Variants in CELF5 observed in about 807,000 individuals in gnomAD.
CELF5 encodes CUGBP Elav-like family member 5.
Under a neutral mutation model 54.9 loss-of-function variants are expected in CELF5, and 6 were observed. The observed-to-expected ratio is 0.11, with a 90% CI of 0.06 to 0.22. The LOEUF is 0.22. CELF5 is among the 10% of genes least tolerant of loss of function. The pLI is 1.00. For missense variants in CELF5, 401 were observed against 678.6 expected (o/e 0.59, Z 4.54); for synonymous variants, 271 against 290.9 (o/e 0.93, Z 0.70).
chr19:3,235,957 G>A (rs1370658323), intron 1 of CELF5, among the ~76,000 whole-genome samples: 1 of 152,106 alleles, frequency 6.6e-6, no homozygotes, highest in East Asian at 1.9e-4. Context: ...TAGTGATGGG[G>A]ACTGAAGCCG....
At chr19:3,263,432 G>A (rs189479701) in intron 2 of CELF5, among the ~76,000 whole-genome samples, 85 of 151,524 alleles carry the variant, frequency 5.6e-4, no homozygotes, top group Non-Finnish European at 9.7e-4. Context: ...ATGGTGTCGC[G>A]TGCCTGTAAT....
chr19:3,293,789 G>C (rs965662742), intron 12 of CELF5: 3 of 251,082 alleles, frequency 1.2e-5, no homozygotes, highest in Non-Finnish European at 2.4e-5. Flanking sequence ...GTTCACCTGA[G>C]AGGCCAGGTT....
intron 2 of CELF5, among the ~76,000 whole-genome samples, chr19:3,265,457 G>A (rs1002709426): frequency 1.3e-5 from 2 of 152,166 alleles, no homozygotes. Flanking sequence ...AGTGAGCCCC[G>A]AGCAGAAGTT....
chr19:3,242,533 G>T (rs1178942532), intron 1 of CELF5, among the ~76,000 whole-genome samples: 1 of 151,922 alleles, frequency 6.6e-6, no homozygotes, highest in African/African-American at 2.4e-5. Context: ...ATGGCCGGGC[G>T]CAGTGACTCA....
Position 3,281,645 on chromosome 19 carries a change from G to A in CELF5, c.750+300G>A, listed in dbSNP as rs749835160. On this transcript the variant is annotated intron_variant, in intron 6 of 12. Coordinates refer to ENST00000292672, the MANE Select transcript of CELF5 (RefSeq NM_021938.4). This position sits in a 1 kb window ranked among gnomAD's most constrained non-coding sequence, Gnocchi z 6.5. ...CAAATCCAGACTGATCCCAAACTGAGACCTGACCTGATCAAGCTCCACCCT... is the reference window on the plus strand; with the variant it reads ...CAAATCCAGACTGATCCCAAACTGAAACCTGACCTGATCAAGCTCCACCCT... Among the ~76,000 whole-genome samples, 1 of 152,096 alleles carries A rather than the reference G, an allele frequency of 6.6e-6. No homozygotes were observed. Among genetic ancestry groups the A allele is most frequent in the Non-Finnish European group, 1.5e-5 (1 of 68,014 alleles).
intron 1 of CELF5, among the ~76,000 whole-genome samples, chr19:3,227,573 C>G (rs548591129): frequency 1.1e-4 from 17 of 152,154 alleles, no homozygotes; most frequent in South Asian, 8.3e-4. Flanking sequence ...GGGATGAGAA[C>G]ACCCTGGAGG....
intron 1 of CELF5, among the ~76,000 whole-genome samples, chr19:3,240,490 GC>G (rs1220302590): frequency 6.6e-6 from 1 of 151,724 alleles, no homozygotes; most frequent in Non-Finnish European, 1.5e-5. Context: ...ACCACACCCA[GC>G]TAGTTTTTGT....
At position 3,281,053 on chromosome 19, in the gene CELF5, C is replaced by G. The variant is rs757097413; in HGVS notation, c.604-146C>G. ...GCGGTCCTCGCTGTGGCCCTGGCTC[C>G]TGGGGTGGGGGCCCGTGGACATGGC... On this transcript the variant is annotated intron_variant, in intron 5 of 12. Coordinates refer to ENST00000292672, the MANE Select transcript of CELF5 (RefSeq NM_021938.4). This position sits in a 1 kb window ranked among gnomAD's most constrained non-coding sequence, Gnocchi z 6.5. 2.1e-6 allele frequency: 2 copies of G among 965,634 alleles called. No homozygotes were observed. The highest frequency in any genetic ancestry group is 3.1e-6 in the Non-Finnish European group (2 of 640,618). 59.8% of individuals were successfully genotyped at this position (965,634 alleles called of 1,614,324 possible).
intron 11 of CELF5, 26 bp downstream of exon 11, chr19:3,290,400 C>A (rs778927184): frequency 1.9e-6 from 3 of 1,611,080 alleles, no homozygotes; most frequent in Admixed American, 1.7e-5. Flanking sequence ...CGCCACCCCT[C>A]CCCATCCACC....
chr19:3,233,167 GC>G (rs1317217991), intron 1 of CELF5, among the ~76,000 whole-genome samples: 4 of 151,924 alleles, frequency 2.6e-5, no homozygotes, highest in Non-Finnish European at 5.9e-5. Flanking sequence ...TGTGCCTAGA[GC>G]CCTAGCTGCT....
Position 3,275,824 on chromosome 19 carries a change from G to T in CELF5, c.395-32G>T. On this transcript the variant is annotated intron_variant, in intron 3 of 12. Transcript: ENST00000292672. The surrounding 1 kb of genome is among the most constrained non-coding windows in gnomAD (Gnocchi z 6.7). ...CCCGGAGGCCCTCCCGGAGGCCGGG[G>T]ACTCGGCTGAGGTGGGTGTCGCCGC... 1 of 1,587,550 alleles carries T rather than the reference G, an allele frequency of 6.3e-7. No homozygotes were observed. Among genetic ancestry groups the T allele is most frequent in the Non-Finnish European group, 8.6e-7 (1 of 1,161,138 alleles).
At chr19:3,285,612 C>T (rs1455284518) in intron 9 of CELF5, among the ~76,000 whole-genome samples, 1 of 148,510 alleles carries the variant, frequency 6.7e-6, no homozygotes, top group African/African-American at 2.5e-5. Flanking sequence ...CTTGGCCCCG[C>T]CCTCTACTGT....
At chr19:3,288,909 G>A (rs1280215790) in intron 10 of CELF5, among the ~76,000 whole-genome samples, 1 of 152,170 alleles carries the variant, frequency 6.6e-6, no homozygotes, top group African/African-American at 2.4e-5. Context: ...GGGAATGGAA[G>A]AAGGTCATTT....
At chr19:3,252,369 G>C (rs1393576596) in intron 2 of CELF5, among the ~76,000 whole-genome samples, 1 of 152,114 alleles carries the variant, frequency 6.6e-6, no homozygotes, top group African/African-American at 2.4e-5. Context: ...TGTCCTCTTT[G>C]GGTGGGCAGG....
chr19:3,281,006 G>T lies in CELF5; in HGVS notation c.604-193G>T, dbSNP rs561902376. On this transcript the variant is annotated intron_variant, in intron 5 of 12. Coordinates refer to ENST00000292672, the MANE Select transcript of CELF5 (RefSeq NM_021938.4). The surrounding 1 kb of genome is among the most constrained non-coding windows in gnomAD (Gnocchi z 6.5). ...CGCTGCACCTGTGCAGATGCTGCTG[G>T]GCCCAGGATGCTGATCTCCACGCGG... Among the ~76,000 whole-genome samples, 4 of 152,282 alleles carry T rather than the reference G, an allele frequency of 2.6e-5. No homozygotes were observed. Among genetic ancestry groups the T allele is most frequent in the South Asian group, 4.1e-4 (2 of 4,826 alleles).
intron 1 of CELF5, among the ~76,000 whole-genome samples, chr19:3,247,946 G>A (rs2079590935): frequency 6.6e-6 from 1 of 151,462 alleles, no homozygotes; most frequent in Non-Finnish European, 1.5e-5. Flanking sequence ...TGTATTTTTA[G>A]TAAAGATGGA....
At position 3,239,690 on chromosome 19, in the gene CELF5, C is replaced by T. The variant is rs189770913; in HGVS notation, c.260-11295C>T. Among the ~76,000 whole-genome samples, 139 of 152,112 alleles carry T rather than the reference C, an allele frequency of 9.1e-4. 3 individuals carry two copies. In the Middle Eastern group the frequency reaches 0.014, roughly 15 times the overall value. ...CAGCCATCCTTGCCTCCTCCCTCCC[C>T]TCCCCTCGTCCCCCACCAAAGCCCT... is the stretch of plus-strand genomic sequence containing the variant. On this transcript the variant is annotated intron_variant, in intron 1 of 12. Transcript: ENST00000292672.
chr19:3,258,584 G>T (rs2079764076), intron 2 of CELF5, among the ~76,000 whole-genome samples: 1 of 152,046 alleles, frequency 6.6e-6, no homozygotes, highest in Non-Finnish European at 1.5e-5. Flanking sequence ...CCAGGGCTAG[G>T]ATTTGGGGAT....
At chr19:3,294,933 G>T (rs1313505233) in intron 12 of CELF5, 1 of 152,234 alleles carries the variant, frequency 6.6e-6, no homozygotes, top group Non-Finnish European at 1.5e-5. Context: ...GAAAAGATGG[G>T]AGCCCCTGTG....
Sources: gnomAD v4.1 joint callset for allele counts (sites outside exome capture counted in the v4.1 genomes callset) on GRCh38, gnomAD v4.1.1 for gene constraint, Gnocchi (gnomAD v3.1) non-coding constraint, MANE v1.5 for transcripts, NCBI Gene and HGNC (gene_info 2026-07-23, HGNC 2026-07-21) for gene names.